Variants in SSH2 observed in about 807,000 individuals in gnomAD.
SSH2 encodes protein phosphatase Slingshot homolog 2.
SSH2 carries 37 observed loss-of-function variants against 135.2 expected under a neutral mutation model. That is an observed-to-expected ratio of 0.27 (90% CI 0.21 to 0.36). The LOEUF (loss-of-function observed/expected upper bound fraction) is 0.36, where lower values mean the gene tolerates loss of function less well. Among genes scored for constraint, SSH2 ranks in the 10% least tolerant of loss-of-function variants. SSH2 has a pLI of 1.00. For missense variants in SSH2, 1,408 were observed against 1,765.3 expected (o/e 0.80, Z 3.63); for synonymous variants, 628 against 646.2 (o/e 0.97, Z 0.43).
rs562907055 is a variant in SSH2 at position 29,664,426 on chromosome 17, T to C, written c.1032+2441A>G. Among the ~76,000 whole-genome samples, 10 of 152,002 alleles carry C rather than the reference T, an allele frequency of 6.6e-5. No individual in the cohort carries two copies. In the East Asian group the frequency reaches 1.9e-3, roughly 29 times the overall value. ...AATATTATATAATAAAAGATGATGG[T>C]GATTATCAGTCTTGATGATTAAATA... is the stretch of plus-strand genomic sequence containing the variant. On this transcript the variant is annotated intron_variant, in intron 11 of 15. Coordinates refer to ENST00000540801, the MANE Select transcript of SSH2 (RefSeq NM_001282129.2).
intron 3 of SSH2, among the ~76,000 whole-genome samples, chr17:29,751,296 T>A (rs781322918): frequency 1.3e-5 from 2 of 152,040 alleles, no homozygotes; most frequent in Non-Finnish European, 2.9e-5. Flanking sequence ...ATGCCTCTAA[T>A]CCCAGCTACT....
chr17:29,854,441 G>C (rs2065625464), intron 1 of SSH2, among the ~76,000 whole-genome samples: 1 of 151,776 alleles, frequency 6.6e-6, no homozygotes, highest in Non-Finnish European at 1.5e-5. Context: ...AGAAAAACAG[G>C]GGTTAAGATT....
At chr17:29,640,542 C>T (rs1316864607) in intron 14 of SSH2, 3 of 151,620 alleles carry the variant, frequency 2.0e-5, no homozygotes, top group African/African-American at 7.3e-5. Context: ...GGGAGAAAAT[C>T]ATCAGAAAAT....
chr17:29,630,684 CAT>C lies in SSH2; in HGVS notation c.*155_*156del. 3.0e-6 allele frequency: 2 copies of C among 658,014 alleles called. No individual in the cohort carries two copies. Among genetic ancestry groups the C allele is most frequent in the Non-Finnish European group, 5.1e-6 (2 of 390,062 alleles). The allele number at this position is 658,014 out of a possible 1,614,324, so 40.8% of individuals were successfully genotyped here. A position where few individuals can be genotyped will look rare whatever the true frequency, so the allele number is the denominator to read the frequency against. Reference sequence around the variant, plus strand: ...CTCTTTCCCCTTACATATACACACACATACACACTGAAAAACACCCAAACCCT... The same window carrying C: ...CTCTTTCCCCTTACATATACACACACACACACTGAAAAACACCCAAACCCT... On this transcript the variant is annotated 3_prime_UTR_variant, in exon 16 of 16. Transcript: ENST00000540801.
chr17:29,813,534 G>A (rs1216885747), intron 2 of SSH2, among the ~76,000 whole-genome samples: 1 of 151,800 alleles, frequency 6.6e-6, no homozygotes. Flanking sequence ...AATCATTTAA[G>A]CAGCCGGGCA....
At chr17:29,916,330 G>A (rs1485756195) in intron 1 of SSH2, among the ~76,000 whole-genome samples, 1 of 152,104 alleles carries the variant, frequency 6.6e-6, no homozygotes, top group East Asian at 1.9e-4. Context: ...TTTTACAGGT[G>A]GGCAAACCAA....
chr17:29,702,507 G>A (rs2039026149), intron 4 of SSH2, among the ~76,000 whole-genome samples: 1 of 151,076 alleles, frequency 6.6e-6, no homozygotes, highest in Non-Finnish European at 1.5e-5. Flanking sequence ...ATACAAAAAT[G>A]AGCTGGGCGT....
intron 8 of SSH2, chr17:29,674,299 A>G (rs1171664435): frequency 5.1e-6 from 2 of 393,412 alleles, no homozygotes; most frequent in Non-Finnish European, 1.0e-5. Context: ...TATTACTCAA[A>G]GTAAGCCAAA....
chr17:29,634,656 G>T (rs559783158), intron 15 of SSH2, among the ~76,000 whole-genome samples: 2 of 152,148 alleles, frequency 1.3e-5, no homozygotes, highest in African/African-American at 4.8e-5. Context: ...GGGTTCAAGC[G>T]ATTCTCCTGC....
At chr17:29,731,414 A>ATTT (rs60274804) in intron 3 of SSH2, among the ~76,000 whole-genome samples, 3 of 115,264 alleles carry the variant, frequency 2.6e-5, no homozygotes, top group African/African-American at 9.9e-5. Context: ...TAGCAGAAGT[A>ATTT]TTTTTTATTT....
At chr17:29,635,858 A>G in intron 15 of SSH2, 110 bp downstream of exon 15, 1 of 913,744 alleles carries the variant, frequency 1.1e-6, no homozygotes, top group Non-Finnish European at 1.7e-6. Flanking sequence ...CTAAGTTTTC[A>G]AAGAAAACCT....
At chr17:29,685,841 CTTTT>C (rs1387675647) in intron 5 of SSH2, among the ~76,000 whole-genome samples, 3 of 149,270 alleles carry the variant, frequency 2.0e-5, no homozygotes, top group Non-Finnish European at 4.5e-5. Context: ...TTCTTTCTTT[CTTTT>C]CTTTTTCTTT....
At chr17:29,720,951 A>G (rs1184819355) in intron 3 of SSH2, among the ~76,000 whole-genome samples, 1 of 152,202 alleles carries the variant, frequency 6.6e-6, no homozygotes, top group Non-Finnish European at 1.5e-5. Context: ...GAATTGTAAC[A>G]CCATTACAGA....
chr17:29,905,846 C>G (rs1263590816), intron 1 of SSH2, among the ~76,000 whole-genome samples: 1 of 152,164 alleles, frequency 6.6e-6, no homozygotes, highest in African/African-American at 2.4e-5. Flanking sequence ...ACCCTGGGCT[C>G]AGCCAGAGCT....
intron 4 of SSH2, among the ~76,000 whole-genome samples, chr17:29,700,935 G>A (rs1567893684): frequency 6.6e-6 from 1 of 151,884 alleles, no homozygotes; most frequent in South Asian, 2.1e-4. Context: ...GACTACAGGC[G>A]CGCACCACCA....
At chr17:29,717,177 C>G (rs868865264) in intron 3 of SSH2, among the ~76,000 whole-genome samples, 1 of 152,150 alleles carries the variant, frequency 6.6e-6, no homozygotes, top group Non-Finnish European at 1.5e-5. Context: ...CTCTGTTCAC[C>G]CAGGCTGTAG....
chr17:29,758,724 T>G lies in SSH2; in HGVS notation c.188+35170A>C, dbSNP rs74724356. Among the ~76,000 whole-genome samples, 524 of 152,304 alleles carry G rather than the reference T, an allele frequency of 3.4e-3. 1 individual carries two copies. The highest frequency in any genetic ancestry group is 0.012 in the African/African-American group (510 of 41,574). ...AACTCCTTTCCCCCCAAAAAGCTTA[T>G]AATCCCTGTCTTTTAAAAATTATTT... On this transcript the variant is annotated intron_variant, in intron 3 of 15. Transcript: ENST00000540801.
At chr17:29,855,314 C>A (rs938357870) in intron 1 of SSH2, among the ~76,000 whole-genome samples, 4 of 152,068 alleles carry the variant, frequency 2.6e-5, no homozygotes, top group Admixed American at 6.5e-5. Flanking sequence ...CCAGCCTGGG[C>A]AACATTGGCA....
intron 1 of SSH2, among the ~76,000 whole-genome samples, chr17:29,915,991 C>T (rs1422115114): frequency 7.9e-6 from 1 of 126,946 alleles, no homozygotes; most frequent in Non-Finnish European, 1.6e-5. Flanking sequence ...CCCCCCACCC[C>T]ACAACATGCC....
Sources: gnomAD v4.1 joint callset for allele counts (sites outside exome capture counted in the v4.1 genomes callset) on GRCh38, gnomAD v4.1.1 for gene constraint, MANE v1.5 for transcripts, NCBI Gene and HGNC (gene_info 2026-07-23, HGNC 2026-07-21) for gene names.